The following HOOK3 variants were observed in gnomAD, a reference collection of about 807,000 sequenced individuals.
The protein encoded by HOOK3 is protein Hook homolog 3.
A neutral mutation model predicts 116.3 loss-of-function variants in HOOK3; 24 were observed. The ratio of observed to expected loss-of-function variants is 0.21; its 90% confidence interval spans 0.15 to 0.29. HOOK3 has a LOEUF of 0.29. Among genes scored for constraint, HOOK3 ranks in the 10% least tolerant of loss-of-function variants. The probability of loss-of-function intolerance (pLI) is 1.00; values close to 1 mark genes in which losing one functional copy is unlikely to be tolerated. For synonymous variants in HOOK3, 275 were observed against 283.0 expected, an observed-to-expected ratio of 0.97 and a Z score of 0.28; for missense variants, 632 against 830.2, an observed-to-expected ratio of 0.76 and a Z score of 2.93.
intron 1 of HOOK3, among the ~76,000 whole-genome samples, chr8:42,901,568 G>T (rs560755684): frequency 6.6e-6 from 1 of 152,028 alleles, no homozygotes; most frequent in Admixed American, 6.6e-5. Context: ...GTTTCACTTT[G>T]GTCTTGCAGC....
intron 8 of HOOK3, 75 bp downstream of exon 8, chr8:42,959,389 C>G (rs13278592): frequency 1.1e-6 from 1 of 944,070 alleles, no homozygotes; most frequent in South Asian, 1.4e-5. Flanking sequence ...TGTGTACTGT[C>G]ATACAGTACA....
At chr8:42,907,288 A>G (rs1322307733) in intron 2 of HOOK3, among the ~76,000 whole-genome samples, 1 of 152,246 alleles carries the variant, frequency 6.6e-6, no homozygotes, top group East Asian at 1.9e-4. Flanking sequence ...TAGAGTTGCC[A>G]TAGAGCTCAG....
intron 6 of HOOK3, among the ~76,000 whole-genome samples, chr8:42,956,299 T>C (rs1808435750): frequency 6.6e-6 from 1 of 151,134 alleles, no homozygotes; most frequent in African/African-American, 2.4e-5. Context: ...TTTTCGCTAA[T>C]ACTGATGTTG....
chr8:42,909,544 G>A (rs549254342), intron 2 of HOOK3, among the ~76,000 whole-genome samples: 1 of 152,202 alleles, frequency 6.6e-6, no homozygotes, highest in Non-Finnish European at 1.5e-5. Context: ...GCTCACTGCA[G>A]CCTCAAACTC....
chr8:42,980,713 G>A (rs539540169), intron 13 of HOOK3, among the ~76,000 whole-genome samples: 15 of 152,130 alleles, frequency 9.9e-5, no homozygotes, highest in Admixed American at 2.6e-4. Flanking sequence ...GTGAAAACCC[G>A]TCTCTACTAA....
At chr8:42,925,918 T>C (rs2130357716) in intron 3 of HOOK3, among the ~76,000 whole-genome samples, 1 of 152,314 alleles carries the variant, frequency 6.6e-6, no homozygotes, top group South Asian at 2.1e-4. Flanking sequence ...TTTGCCTTGG[T>C]TTCCCCATTT....
At chr8:42,971,827 T>TGC (rs1018262845) in intron 11 of HOOK3, among the ~76,000 whole-genome samples, 2 of 151,920 alleles carry the variant, frequency 1.3e-5, no homozygotes, top group African/African-American at 4.8e-5. Flanking sequence ...ATTACAGGAG[T>TGC]GCACCACCAA....
At chr8:42,996,894 CTTTTTTT>C (rs60094537) in intron 15 of HOOK3, among the ~76,000 whole-genome samples, 1 of 77,866 alleles carries the variant, frequency 1.3e-5, no homozygotes, top group African/African-American at 4.5e-5. Flanking sequence ...GGGCAGGGAT[CTTTTTTT>C]TTTTTTTTTT....
Position 43,012,232 on chromosome 8 carries a change from C to T in HOOK3, c.1840-819C>T, listed in dbSNP as rs573469554. Among the ~76,000 whole-genome samples, 35 of 152,316 alleles carry T rather than the reference C, an allele frequency of 2.3e-4. No individual in the cohort carries two copies. The South Asian group carries it at 5.0e-3, about 22-fold the overall frequency. ...CATTGTGCAAACATTGTAGAGTGTA[C>T]TTATGCAAAACTGTATGCTATAGTT... is the stretch of plus-strand genomic sequence containing the variant. On this transcript the variant is annotated intron_variant, in intron 19 of 21. Coordinates refer to ENST00000307602, the MANE Select transcript of HOOK3 (RefSeq NM_032410.4).
chr8:43,030,064 C>T lies in HOOK3; in HGVS notation c.*11566C>T, dbSNP rs1810002019. 4.7e-6 allele frequency: 1 copy of T among 211,640 alleles called. No individual in the cohort carries two copies. Among genetic ancestry groups the T allele is most frequent in the African/African-American group, 2.3e-5 (1 of 44,120 alleles). 13.1% of individuals were successfully genotyped at this position (211,640 alleles called of 1,614,324 possible). A position where few individuals can be genotyped will look rare whatever the true frequency, so the allele number is the denominator to read the frequency against. On this transcript the variant is annotated 3_prime_UTR_variant, in exon 22 of 22. Coordinates refer to ENST00000307602, the MANE Select transcript of HOOK3 (RefSeq NM_032410.4). ...TGTCCACATCAGACTTGGAACTTCT[C>T]ACTTCAAAAATGAAATACAGATTTA... is the stretch of plus-strand genomic sequence containing the variant.
chr8:42,973,185 G>A (rs1586616140), intron 11 of HOOK3, 104 bp from the exon 12 acceptor site: 2 of 1,252,174 alleles, frequency 1.6e-6, no homozygotes, highest in East Asian at 2.5e-5. Flanking sequence ...ATGCATTTGA[G>A]TACTGGTGGG....
intron 8 of HOOK3, among the ~76,000 whole-genome samples, chr8:42,962,186 G>A (rs887474291): frequency 1.1e-4 from 16 of 151,386 alleles, no homozygotes; most frequent in African/African-American, 3.4e-4. Flanking sequence ...GGGCTTAAGT[G>A]ATCCTCCCAC....
Position 42,966,482 on chromosome 8 carries a change from A to G in HOOK3, c.789A>G (p.Ala263=). Residue 263 remains alanine, a synonymous_variant, in exon 10 of 22, where the codon GCA becomes GCG. Transcript: ENST00000307602. ...QLQEETFRLE[A]AKDDYRIRCE... is the part of the protein sequence containing the mutation. Reference sequence around the variant, plus strand: ...TTTATATCGGTTACAGACTAGAAGCAGCCAAAGATGATTATCGAATACGTT... The same window carrying G: ...TTTATATCGGTTACAGACTAGAAGCGGCCAAAGATGATTATCGAATACGTT... 1 of 1,614,188 alleles carries G rather than the reference A, an allele frequency of 6.2e-7. No homozygotes were observed. The highest frequency in any genetic ancestry group is 8.5e-7 in the Non-Finnish European group (1 of 1,180,004).
At chr8:42,954,308 G>A (rs1258574635) in intron 6 of HOOK3, among the ~76,000 whole-genome samples, 1 of 152,078 alleles carries the variant, frequency 6.6e-6, no homozygotes, top group Non-Finnish European at 1.5e-5. Flanking sequence ...TCTATAACCA[G>A]GAATGTTTTT....
chr8:42,898,902 C>T (rs1347569546), intron 1 of HOOK3, among the ~76,000 whole-genome samples: 2 of 152,166 alleles, frequency 1.3e-5, no homozygotes, highest in Non-Finnish European at 2.9e-5. Context: ...TACAATTGGG[C>T]AAAATCATCT....
rs74932692 is a variant in HOOK3, at chr8:42,981,877, C to G, written c.1322-750C>G. On this transcript the variant is annotated intron_variant, in intron 13 of 21. Coordinates refer to ENST00000307602, the MANE Select transcript of HOOK3 (RefSeq NM_032410.4). ...CCAGCCTGGGCGACAGAGTGAGACT[C>G]TGTCTCAAAAAAAAAAAAAAAAAGA... Among the ~76,000 whole-genome samples the G allele has an allele frequency of 4.8e-3, 488 of 102,690 alleles. 3 individuals are homozygous for G. Among genetic ancestry groups the G allele is most frequent in the East Asian group, 0.039 (137 of 3,478 alleles). The allele number at this position is 102,690 out of a possible 152,430, so 67.4% of individuals were successfully genotyped here.
At position 43,006,583 on chromosome 8, in the gene HOOK3, A is replaced by C. The variant is rs1304936717; in HGVS notation, c.1656-1264A>C. 2.0e-5 allele frequency among the ~76,000 whole-genome samples: 3 copies of C among 152,194 alleles called. No individual in the cohort carries two copies. In the East Asian group the frequency reaches 5.8e-4, roughly 29 times the overall value. ...GGCAGTCTACCCACCTTGGCCTCCC[A>C]AAGTGCTAGGATTACAGGCATGAAC... is the stretch of plus-strand genomic sequence containing the variant. On this transcript the variant is annotated intron_variant, in intron 17 of 21. Coordinates refer to ENST00000307602, the MANE Select transcript of HOOK3 (RefSeq NM_032410.4).
rs545296117 is a variant in HOOK3, at chr8:43,014,404, T to G, written c.2016+1004T>G. Reference sequence around the variant, plus strand: ...TCTCGCTGTGTATCCTAGGCTGGAGTGCAGTGGTGTGATCTCGGCTCACTG... The same window carrying G: ...TCTCGCTGTGTATCCTAGGCTGGAGGGCAGTGGTGTGATCTCGGCTCACTG... On this transcript the variant is annotated intron_variant, in intron 21 of 21. Coordinates refer to ENST00000307602, the MANE Select transcript of HOOK3 (RefSeq NM_032410.4). Among the ~76,000 whole-genome samples, 17 of 151,680 alleles carry G rather than the reference T, an allele frequency of 1.1e-4. No homozygotes were observed. The East Asian group carries it at 1.8e-3, about 16-fold the overall frequency.
intron 6 of HOOK3, among the ~76,000 whole-genome samples, chr8:42,951,342 G>A (rs1269403701): frequency 1.3e-5 from 2 of 152,180 alleles, no homozygotes; most frequent in East Asian, 1.9e-4. Context: ...GATTACAGGC[G>A]TGAGCCACGG....
Sources: gnomAD v4.1 joint callset for allele counts (sites outside exome capture counted in the v4.1 genomes callset) on GRCh38, gnomAD v4.1.1 for gene constraint, MANE v1.5 for transcripts, NCBI Gene and HGNC (gene_info 2026-07-23, HGNC 2026-07-21) for gene names.